Variants in ACSM6 observed in about 807,000 individuals in gnomAD.
ACSM6 encodes the protein acyl-CoA synthetase medium chain family member 6, also known as acyl-coenzyme A synthetase ACSM6, mitochondrial.
Under a neutral mutation model 51.1 loss-of-function variants are expected in ACSM6, and 35 were observed. That is an observed-to-expected ratio of 0.69 (90% CI 0.52 to 0.91). The LOEUF is 0.91. ACSM6 is among the 40% of genes least tolerant of loss of function. ACSM6 has a pLI of 0.00. For synonymous variants in ACSM6, 172 were observed against 207.3 expected (o/e 0.83, Z 1.46); for missense variants, 509 against 584.1 (o/e 0.87, Z 1.32).
Position 95,211,911 on chromosome 10 carries a change from GTGGAGTC to G in ACSM6, c.793_799del (p.Ser265ValfsTer10). 1 of 1,612,724 alleles carries G rather than the reference GTGGAGTC, an allele frequency of 6.2e-7. No homozygotes were observed. On this transcript the variant is annotated frameshift_variant, in exon 6 of 11. Coordinates refer to ENST00000341686, the Ensembl canonical transcript of ACSM6. LOFTEE classifies it high-confidence loss of function. ...TGGATCTCCAGCCAACAGATGTCTT[GTGGAGTC>G]TGGGTGATGCCTTTGGTGGATCTTT... is the stretch of plus-strand genomic sequence containing the variant.
At chr10:95,203,857 TAAAA>T (rs34969526) in intron 3 of ACSM6, among the ~76,000 whole-genome samples, 1 of 106,870 alleles carries the variant, frequency 9.4e-6, no homozygotes. Context: ...ATGCTAGATT[TAAAA>T]AAAAAAAAAA....
chr10:95,194,534 G>A (rs779361696), exon 2 of ACSM6: 9 of 1,551,586 alleles, frequency 5.8e-6, no homozygotes, highest in Non-Finnish European at 7.8e-6. Context: ...TTTCAGACTG[G>A]GATTTGAAGC....
chr10:95,212,309 T>C (rs1464805255), intron 6 of ACSM6, among the ~76,000 whole-genome samples: 1 of 152,166 alleles, frequency 6.6e-6, no homozygotes, highest in Non-Finnish European at 1.5e-5. Context: ...TTAATATCAG[T>C]TATCATTTAC....
chr10:95,222,736 C>G (rs1316594781), intron 9 of ACSM6, among the ~76,000 whole-genome samples: 3 of 152,042 alleles, frequency 2.0e-5, no homozygotes, highest in African/African-American at 7.2e-5. Context: ...AAAATTTCAG[C>G]TACACAGACA....
intron 9 of ACSM6, among the ~76,000 whole-genome samples, chr10:95,221,544 C>T (rs1376876380): frequency 6.6e-6 from 1 of 151,992 alleles, no homozygotes; most frequent in Non-Finnish European, 1.5e-5. Context: ...CAAGATCATG[C>T]CACTGCACTC....
chr10:95,210,318 T>C (rs866073151), intron 4 of ACSM6, among the ~76,000 whole-genome samples: 2 of 152,106 alleles, frequency 1.3e-5, no homozygotes, highest in East Asian at 1.9e-4. Flanking sequence ...GTGGCACAGA[T>C]AGCTAGGTAG....
chr10:95,217,863 T>C (rs1486992319), intron 8 of ACSM6, among the ~76,000 whole-genome samples: 1 of 152,248 alleles, frequency 6.6e-6, no homozygotes, highest in Non-Finnish European at 1.5e-5. Flanking sequence ...TGAGACCTCA[T>C]AGTCAAGCTC....
At chr10:95,195,036 ACACT>A (rs1458645565) in intron 2 of ACSM6, among the ~76,000 whole-genome samples, 4 of 152,338 alleles carry the variant, frequency 2.6e-5, no homozygotes, top group East Asian at 3.9e-4. Context: ...CACCCTGAAA[ACACT>A]CAATAAAAGT....
At chr10:95,206,096 C>T (rs1001802993) in intron 3 of ACSM6, among the ~76,000 whole-genome samples, 7 of 152,182 alleles carry the variant, frequency 4.6e-5, no homozygotes, top group African/African-American at 1.7e-4. Context: ...GCAACCATCA[C>T]CACTGTCTAT....
At chr10:95,207,784 C>A (rs138324417) in intron 4 of ACSM6, among the ~76,000 whole-genome samples, 1 of 151,710 alleles carries the variant, frequency 6.6e-6, no homozygotes, top group East Asian at 1.9e-4. Flanking sequence ...TATATATAGA[C>A]TATATATAAT....
chr10:95,198,232 A>G (rs533256971), intron 2 of ACSM6, among the ~76,000 whole-genome samples: 1 of 148,430 alleles, frequency 6.7e-6, no homozygotes, highest in Non-Finnish European at 1.5e-5. Flanking sequence ...ATATCACCCT[A>G]AAAAAAAAAC....
At chr10:95,216,531 A>AT in intron 8 of ACSM6, among the ~76,000 whole-genome samples, 1 of 152,310 alleles carries the variant, frequency 6.6e-6, no homozygotes, top group Non-Finnish European at 1.5e-5. Context: ...TGGATAAGGA[A>AT]TGACTGAGAG....
intron 8 of ACSM6, 144 bp downstream of exon 8, chr10:95,215,119 G>C (rs1340475560): frequency 1.1e-6 from 1 of 923,894 alleles, no homozygotes; most frequent in Non-Finnish European, 1.6e-6. Flanking sequence ...AAACTAGGGA[G>C]ACCCCTCTTC....
intron 4 of ACSM6, among the ~76,000 whole-genome samples, chr10:95,207,989 A>C (rs1195496820): frequency 6.6e-6 from 1 of 151,964 alleles, no homozygotes; most frequent in African/African-American, 2.4e-5. Context: ...AAAAGTACAA[A>C]AATTAGCTGG....
intron 2 of ACSM6, among the ~76,000 whole-genome samples, chr10:95,195,996 G>GCCCTC (rs71034319): frequency 0.51 from 76,356 of 150,406 alleles, 20,138 homozygotes; most frequent in Middle Eastern, 0.66. Flanking sequence ...CTCTTGGGGT[G>GCCCTC]CCCTCCCCAC....
intron 4 of ACSM6, among the ~76,000 whole-genome samples, chr10:95,208,318 G>A (rs923065750): frequency 6.6e-6 from 1 of 152,060 alleles, no homozygotes; most frequent in Admixed American, 6.6e-5. Context: ...CTGGAGACTC[G>A]GAAAGGTCAG....
chr10:95,199,260 C>T (rs929303931), intron 2 of ACSM6, among the ~76,000 whole-genome samples: 3 of 152,208 alleles, frequency 2.0e-5, no homozygotes, highest in Non-Finnish European at 4.4e-5. Context: ...AAAGGATTCC[C>T]TATTTAATAA....
exon 4 of ACSM6, chr10:95,207,228 A>T (rs369983364): frequency 1.2e-6 from 2 of 1,613,974 alleles, no homozygotes; most frequent in African/African-American, 2.7e-5. Context: ...TGTGCCTGGG[A>T]GCCCCCAGCT....
At chr10:95,207,565 T>A in intron 4 of ACSM6, 150 bp downstream of exon 4, 1 of 855,776 alleles carries the variant, frequency 1.2e-6, no homozygotes, top group East Asian at 2.6e-5. Flanking sequence ...GAAGGTGGTG[T>A]GAGTGGTCAG....
Sources: allele counts gnomAD v4.1 joint callset (sites outside exome capture counted in the v4.1 genomes callset), GRCh38; gene constraint gnomAD v4.1.1; transcripts MANE v1.5; gene names NCBI Gene and HGNC (gene_info 2026-07-23, HGNC 2026-07-21).